Variants in TENM4 observed in about 807,000 individuals in gnomAD.
TENM4 encodes teneurin-4.
In TENM4, 82 loss-of-function variants were observed where a neutral mutation model predicts 243.3. That is an observed-to-expected ratio of 0.34 (90% CI 0.28 to 0.40). The LOEUF (loss-of-function observed/expected upper bound fraction) is 0.40. Among genes scored for constraint, TENM4 ranks in the 10% least tolerant of loss-of-function variants. The pLI, the probability that TENM4 is intolerant of heterozygous loss-of-function variation, is 1.00. For synonymous variants in TENM4, 1,412 were observed against 1,456.3 expected, an observed-to-expected ratio of 0.97 and a Z score of 0.69; for missense variants, 3,138 against 3,673.3, an observed-to-expected ratio of 0.85 and a Z score of 3.77.
At chr11:78,907,244 CTTT>C (rs529102939) in intron 6 of TENM4, among the ~76,000 whole-genome samples, 48 of 133,700 alleles carry the variant, frequency 3.6e-4, no homozygotes, top group Admixed American at 5.3e-4. Flanking sequence ...GAATGGACTC[CTTT>C]TTTTTTTTTT....
intron 1 of TENM4, among the ~76,000 whole-genome samples, chr11:79,338,799 C>G (rs1021256313): frequency 1.3e-5 from 2 of 152,180 alleles, no homozygotes; most frequent in Non-Finnish European, 2.9e-5. Flanking sequence ...CCAGCTGAAC[C>G]TTGGACAAGT....
At chr11:78,743,329 G>A (rs1201724166) in intron 19 of TENM4, among the ~76,000 whole-genome samples, 2 of 152,140 alleles carry the variant, frequency 1.3e-5, no homozygotes, top group Non-Finnish European at 2.9e-5. Context: ...CCAACCACAT[G>A]TCCCTTACTG....
In TENM4 at chr11:78,669,453, G is replaced by A. The variant is rs763360287; in HGVS notation, c.6892C>T (p.Arg2298Trp). Reference sequence around the variant, plus strand: ...TGGCTGCTCTTGCTGGACACGCGCCGCCCCAGGCCATCGTAGCGGTACCTG... The same window carrying A: ...TGGCTGCTCTTGCTGGACACGCGCCACCCCAGGCCATCGTAGCGGTACCTG... ...SVRYRYDGLG[R>W]RVSSKSSHSH... The change falls in exon 32 of 34, where the codon CGG becomes TGG. Residue 2298 changes from arginine (R) to tryptophan (W), a missense_variant. This residue lies in a region of TENM4 where 2,467 missense variants were observed against 3,059.1 expected (regional missense o/e 0.81). Transcript: ENST00000278550. This position sits in a 1 kb window ranked among gnomAD's most constrained non-coding sequence, Gnocchi z 6.4. The A allele has an allele frequency of 3.7e-6, 6 of 1,612,910 alleles. No individual in the cohort carries two copies. Among genetic ancestry groups the A allele is most frequent in the African/African-American group, 1.3e-5 (1 of 74,874 alleles).
At chr11:79,332,032 C>T (rs1857069586) in intron 1 of TENM4, among the ~76,000 whole-genome samples, 1 of 152,220 alleles carries the variant, frequency 6.6e-6, no homozygotes, top group Admixed American at 6.5e-5. Context: ...ATAATAGATG[C>T]TGTTCACCGA....
At chr11:78,724,958 C>T (rs597231) in intron 23 of TENM4, among the ~76,000 whole-genome samples, 4 of 152,084 alleles carry the variant, frequency 2.6e-5, no homozygotes, top group South Asian at 2.1e-4. Flanking sequence ...GGGTCTCAGA[C>T]CCTGCAGCCC....
intron 3 of TENM4, among the ~76,000 whole-genome samples, chr11:79,203,558 A>G (rs1231217278): frequency 6.6e-6 from 1 of 152,234 alleles, no homozygotes; most frequent in Non-Finnish European, 1.5e-5. Flanking sequence ...TAATTTATAA[A>G]TTAGGCACAA....
At chr11:78,907,505 C>A (rs2136340967) in intron 6 of TENM4, among the ~76,000 whole-genome samples, 1 of 152,228 alleles carries the variant, frequency 6.6e-6, no homozygotes, top group Non-Finnish European at 1.5e-5. Flanking sequence ...GGCTGGGTGA[C>A]CTGCAACAAC....
At chr11:79,322,259 G>T (rs1235615480) in intron 1 of TENM4, among the ~76,000 whole-genome samples, 1 of 152,172 alleles carries the variant, frequency 6.6e-6, no homozygotes, top group Non-Finnish European at 1.5e-5. Flanking sequence ...ATGAGGAATG[G>T]ATTCAGGGCC....
Position 78,669,715 on chromosome 11 carries a change from C to T in TENM4, c.6630G>A (p.Lys2210=). The T allele has an allele frequency of 1.2e-6, 2 of 1,613,976 alleles. No individual in the cohort carries two copies. Among genetic ancestry groups the T allele is most frequent in the Non-Finnish European group, 1.7e-6 (2 of 1,179,890 alleles). ...GQLQTVSIND[K]PLWRYSYDLN... ...GGTCGTAGCTGTAGCGCCAGAGTGG[C>T]TTGTCATTGATGGAGACTGTCTGCA... The change falls in exon 32 of 34, where the codon AAG becomes AAA. Residue 2210 remains lysine, a synonymous_variant. Transcript: ENST00000278550. The surrounding 1 kb of genome is among the most constrained non-coding windows in gnomAD (Gnocchi z 6.4).
At chr11:79,124,263 G>T (rs916498087) in intron 4 of TENM4, among the ~76,000 whole-genome samples, 2 of 152,160 alleles carry the variant, frequency 1.3e-5, no homozygotes, top group Non-Finnish European at 2.9e-5. Flanking sequence ...TATTATTCCT[G>T]GGTGTGTGTG....
At chr11:79,162,352 A>G (rs1030014783) in intron 3 of TENM4, among the ~76,000 whole-genome samples, 8 of 152,212 alleles carry the variant, frequency 5.3e-5, no homozygotes, top group African/African-American at 1.9e-4. Context: ...CCTTATAGAA[A>G]TGTTGTATTA....
In TENM4 at chr11:79,380,316, A is replaced by T. The variant is rs922407796; in HGVS notation, c.-321+60193T>A. Among the ~76,000 whole-genome samples, 34 of 150,750 alleles carry T rather than the reference A, an allele frequency of 2.3e-4. 1 individual carries two copies. The highest frequency in any genetic ancestry group is 8.1e-4 in the African/African-American group (33 of 40,972). ...CACATCAAGACAGTGTAGGGAAAAA[A>T]AAAAAGAAGAGAGGAAGAGAATGAA... On this transcript the variant is annotated intron_variant, in intron 1 of 33. Transcript: ENST00000278550.
intron 2 of TENM4, among the ~76,000 whole-genome samples, chr11:79,295,796 A>C (rs1003100085): frequency 6.6e-6 from 1 of 151,892 alleles, no homozygotes; most frequent in East Asian, 1.9e-4. Flanking sequence ...GTAATCAAAG[A>C]GTTTAATGAG....
intron 4 of TENM4, among the ~76,000 whole-genome samples, chr11:79,132,620 A>T (rs1862032791): frequency 6.6e-6 from 1 of 152,176 alleles, no homozygotes; most frequent in Admixed American, 6.5e-5. Context: ...AATAAATTTA[A>T]GAAAATTTAA....
intron 1 of TENM4, among the ~76,000 whole-genome samples, chr11:79,416,227 T>C (rs1858810452): frequency 6.6e-6 from 1 of 152,228 alleles, no homozygotes; most frequent in African/African-American, 2.4e-5. Flanking sequence ...TGTATCTCAA[T>C]ACGCTTTCAC....
intron 9 of TENM4, among the ~76,000 whole-genome samples, chr11:78,879,190 C>T (rs1057152277): frequency 1.3e-5 from 2 of 149,634 alleles, no homozygotes; most frequent in Non-Finnish European, 3.0e-5. Flanking sequence ...CTCTGCCCAG[C>T]CGCCACCCCG....
chr11:78,768,558 C>T (rs548702434), intron 18 of TENM4, among the ~76,000 whole-genome samples: 4 of 152,318 alleles, frequency 2.6e-5, no homozygotes, highest in South Asian at 2.1e-4. Flanking sequence ...TCGCTGAAGC[C>T]CCAGTACCCT....
At chr11:79,130,715 T>A (rs1489504826) in intron 4 of TENM4, among the ~76,000 whole-genome samples, 1 of 151,884 alleles carries the variant, frequency 6.6e-6, no homozygotes, top group African/African-American at 2.4e-5. Flanking sequence ...CCTAGCTACT[T>A]GGGAGGCTGA....
At chr11:78,835,783 G>A (rs977831849) in intron 12 of TENM4, among the ~76,000 whole-genome samples, 2 of 152,098 alleles carry the variant, frequency 1.3e-5, no homozygotes, top group African/African-American at 4.8e-5. Context: ...CCTTGTTGGT[G>A]CACTCCTAGG....
Sources: allele counts gnomAD v4.1 joint callset (sites outside exome capture counted in the v4.1 genomes callset), GRCh38; gene constraint gnomAD v4.1.1; regional missense constraint gnomAD v4.1.1; non-coding constraint Gnocchi (gnomAD v3.1); transcripts MANE v1.5; gene names NCBI Gene and HGNC (gene_info 2026-07-23, HGNC 2026-07-21).